The following FARP1 variants were observed in gnomAD, a reference collection of about 807,000 sequenced individuals.
FARP1 encodes the protein FERM, ARHGEF and pleckstrin domain-containing protein 1.
FARP1 carries 52 observed loss-of-function variants against 128.8 expected under a neutral mutation model. The observed-to-expected ratio is 0.40, with a 90% CI of 0.32 to 0.51. FARP1 has a LOEUF of 0.51. Among genes scored for constraint, FARP1 ranks in the 20% least tolerant of loss-of-function variants. The pLI, the probability that FARP1 is intolerant of heterozygous loss-of-function variation, is 0.45. For synonymous variants in FARP1, 580 were observed against 551.8 expected (o/e 1.05, Z -0.72); for missense variants, 1,333 against 1,367.9 (o/e 0.97, Z 0.40).
intron 17 of FARP1, 78 bp downstream of exon 17, chr13:98,424,728 G>C: frequency 1.0e-6 from 1 of 987,242 alleles, no homozygotes; most frequent in Non-Finnish European, 1.6e-6. Context: ...TAGGCTGTAA[G>C]CCATTTCCAT....
intron 2 of FARP1, among the ~76,000 whole-genome samples, chr13:98,317,915 C>T (rs180816172): frequency 6.6e-6 from 1 of 150,578 alleles, no homozygotes; most frequent in Non-Finnish European, 1.5e-5. Flanking sequence ...TCCTTTCCTT[C>T]CTTCCTCTCT....
chr13:98,180,934 C>A (rs1440857686), intron 1 of FARP1, among the ~76,000 whole-genome samples: 1 of 152,114 alleles, frequency 6.6e-6, no homozygotes, highest in African/African-American at 2.4e-5. Context: ...CCTTATTGTC[C>A]TAATACTCTG....
Position 98,195,396 on chromosome 13 carries a change from G to T in FARP1, c.-23-17824G>T, listed in dbSNP as rs150947528. ...CCCGGGCTGTTTGTTTGTTTGTTTG[G>T]TTGGTTTTTGCCCACTAGTGTCTAC... On this transcript the variant is annotated intron_variant, in intron 1 of 26. Transcript: ENST00000319562. 2.0e-3 allele frequency among the ~76,000 whole-genome samples: 312 copies of T among 152,292 alleles called. 1 individual carries two copies. Among genetic ancestry groups the T allele is most frequent in the African/African-American group, 7.0e-3 (289 of 41,562 alleles).
chr13:98,180,078 T>C (rs1464293295), intron 1 of FARP1, among the ~76,000 whole-genome samples: 1 of 151,992 alleles, frequency 6.6e-6, no homozygotes, highest in Non-Finnish European at 1.5e-5. Context: ...GAGATTGTGT[T>C]AGTTTTGCAT....
At chr13:98,260,734 C>T (rs577860455) in intron 2 of FARP1, among the ~76,000 whole-genome samples, 1 of 152,334 alleles carries the variant, frequency 6.6e-6, no homozygotes, top group East Asian at 1.9e-4. Context: ...ACGTAAGCTG[C>T]GTTCTGGCTT....
chr13:98,378,844 A>T (rs1245076497), intron 6 of FARP1, among the ~76,000 whole-genome samples: 1 of 144,558 alleles, frequency 6.9e-6, no homozygotes, highest in Non-Finnish European at 1.5e-5. Context: ...ATGGGCAAGA[A>T]AAAAACAAAA....
intron 1 of FARP1, among the ~76,000 whole-genome samples, chr13:98,148,866 G>A (rs1413492482): frequency 6.6e-6 from 1 of 151,732 alleles, no homozygotes; most frequent in Non-Finnish European, 1.5e-5. Context: ...GCTATGACAT[G>A]TCTAGGTATT....
rs1457465792 is a variant in FARP1, at chr13:98,320,482, G to T, written c.172-23280G>T. On this transcript the variant is annotated intron_variant, in intron 2 of 26. Transcript: ENST00000319562. ...TAGAATGAACTAGAACCAAGAACAG[G>T]TACTCACTTCTCCTTTAACCTCTTT... Among the ~76,000 whole-genome samples the T allele has an allele frequency of 2.0e-5, 3 of 152,262 alleles. No individual in the cohort carries two copies. The East Asian group carries it at 5.8e-4, about 29-fold the overall frequency.
chr13:98,176,047 G>T lies in FARP1; in HGVS notation c.-24+32555G>T. On this transcript the variant is annotated intron_variant, in intron 1 of 26. Coordinates refer to ENST00000319562, the MANE Select transcript of FARP1 (RefSeq NM_005766.4). This position sits in a 1 kb window ranked among gnomAD's most constrained non-coding sequence, Gnocchi z 6.2. ...GAGTGCACATACCTCTTTGAGATCCGGATTTCAATTCTTTTGGTTACATAC... is the reference window on the plus strand; with the variant it reads ...GAGTGCACATACCTCTTTGAGATCCTGATTTCAATTCTTTTGGTTACATAC... 1.0e-6 allele frequency: 1 copy of T among 958,966 alleles called. No homozygotes were observed. The highest frequency in any genetic ancestry group is 1.6e-6 in the Non-Finnish European group (1 of 615,548). 59.4% of individuals were successfully genotyped at this position (958,966 alleles called of 1,614,324 possible).
chr13:98,256,967 A>G (rs867250281), intron 2 of FARP1, among the ~76,000 whole-genome samples: 2,882 of 134,756 alleles, frequency 0.021, 202 homozygotes, highest in African/African-American at 0.069. Context: ...ATATATATAT[A>G]TATATATATA....
chr13:98,379,627 CTG>C (rs1043029204), intron 6 of FARP1, among the ~76,000 whole-genome samples: 1 of 152,180 alleles, frequency 6.6e-6, no homozygotes, highest in Non-Finnish European at 1.5e-5. Context: ...ACACCAAAAA[CTG>C]AGGATGCTCA....
Position 98,176,472 on chromosome 13 carries a change from C to T in FARP1, c.-24+32980C>T, listed in dbSNP as rs1233704268. 2.5e-6 allele frequency: 4 copies of T among 1,614,100 alleles called. No individual in the cohort carries two copies. Among genetic ancestry groups the T allele is most frequent in the Admixed American group, 3.3e-5 (2 of 60,008 alleles). ...GGAAGGCCTGGCGACATATGAAACA[C>T]CTGAATGGTATTTCCTCTTCCTCGC... On this transcript the variant is annotated intron_variant, in intron 1 of 26. Coordinates refer to ENST00000319562, the MANE Select transcript of FARP1 (RefSeq NM_005766.4). The surrounding 1 kb of genome is among the most constrained non-coding windows in gnomAD (Gnocchi z 6.2).
At chr13:98,310,644 C>T (rs77554327) in intron 2 of FARP1, among the ~76,000 whole-genome samples, 3 of 152,066 alleles carry the variant, frequency 2.0e-5, no homozygotes, top group South Asian at 2.1e-4. Flanking sequence ...GGATGAAACT[C>T]GTGGGCTGTC....
At chr13:98,164,448 A>G (rs1485223357) in intron 1 of FARP1, among the ~76,000 whole-genome samples, 1 of 152,244 alleles carries the variant, frequency 6.6e-6, no homozygotes, top group Non-Finnish European at 1.5e-5. Flanking sequence ...TGGTAGGTTT[A>G]TGCTCAAAAG....
At chr13:98,223,905 T>C (rs546652164) in intron 2 of FARP1, among the ~76,000 whole-genome samples, 2 of 152,362 alleles carry the variant, frequency 1.3e-5, no homozygotes, top group East Asian at 3.9e-4. Flanking sequence ...TCAAAAGCAT[T>C]AGAAAGGAGC....
intron 19 of FARP1, chr13:98,437,644 A>G (rs1892330352): frequency 3.3e-6 from 2 of 613,960 alleles, no homozygotes; most frequent in African/African-American, 1.8e-5. Context: ...GGCTCTGGTG[A>G]TAGCTGGGCG....
chr13:98,390,327 C>T (rs781473285), intron 10 of FARP1, among the ~76,000 whole-genome samples: 7 of 152,342 alleles, frequency 4.6e-5, no homozygotes, highest in African/African-American at 9.6e-5. Flanking sequence ...TCATGGTAAA[C>T]GCCTAGCGGG....
chr13:98,318,635 C>T (rs543752529), intron 2 of FARP1, among the ~76,000 whole-genome samples: 18 of 152,328 alleles, frequency 1.2e-4, no homozygotes, highest in Admixed American at 2.6e-4. Flanking sequence ...CCAGGGCTGC[C>T]GCACTTTCTC....
intron 2 of FARP1, among the ~76,000 whole-genome samples, chr13:98,254,353 A>G (rs934791654): frequency 8.5e-5 from 13 of 152,248 alleles, no homozygotes; most frequent in East Asian, 3.8e-4. Context: ...AGTGCCAGTT[A>G]TATCATCTGT....
Sources: allele counts gnomAD v4.1 joint callset (sites outside exome capture counted in the v4.1 genomes callset), GRCh38; gene constraint gnomAD v4.1.1; non-coding constraint Gnocchi (gnomAD v3.1); transcripts MANE v1.5; gene names NCBI Gene and HGNC (gene_info 2026-07-23, HGNC 2026-07-21).